Variants in HKDC1 observed in about 807,000 individuals in gnomAD.
HKDC1 encodes hexokinase domain containing 1, also known as hexokinase HKDC1.
HKDC1 carries 66 observed loss-of-function variants against 96.6 expected under a neutral mutation model. That is an observed-to-expected ratio of 0.68 (90% CI 0.56 to 0.84). The LOEUF is 0.84. HKDC1 is among the 40% of genes least tolerant of loss of function. The pLI is 0.00. For missense variants in HKDC1, 1,211 were observed against 1,208.1 expected, an observed-to-expected ratio of 1.00 and a Z score of -0.04; for synonymous variants, 466 against 473.1, an observed-to-expected ratio of 0.98 and a Z score of 0.20.
intron 7 of HKDC1, among the ~76,000 whole-genome samples, chr10:69,244,943 C>A (rs1350778126): frequency 1.3e-5 from 2 of 151,994 alleles, no homozygotes; most frequent in Non-Finnish European, 2.9e-5. Flanking sequence ...ACTCTGTCGC[C>A]AAGGCTGGAG....
chr10:69,239,171 C>T, intron 5 of HKDC1, 34 bp downstream of exon 5: 1 of 1,537,926 alleles, frequency 6.5e-7, no homozygotes, highest in African/African-American at 1.4e-5. Context: ...GAGGCTCTCC[C>T]AGCCCTAGCT....
intron 1 of HKDC1, among the ~76,000 whole-genome samples, chr10:69,221,739 C>G (rs1056417649): frequency 6.6e-6 from 1 of 152,002 alleles, no homozygotes; most frequent in Admixed American, 6.6e-5. Flanking sequence ...TTGAGACCAG[C>G]CTGGGCAACA....
Position 69,259,025 on chromosome 10 carries a change from G to T in HKDC1, c.2216+66G>T, listed in dbSNP as rs140315753. The T allele has an allele frequency of 2.7e-4, 340 of 1,279,632 alleles. 1 individual carries two copies. The African/African-American group carries it at 5.0e-3, about 19-fold the overall frequency. 79.3% of individuals were successfully genotyped at this position (1,279,632 alleles called of 1,614,324 possible). On this transcript the variant is annotated intron_variant, in intron 15 of 17. Coordinates refer to ENST00000354624, the MANE Select transcript of HKDC1 (RefSeq NM_025130.4). ...TGAACAACACTACCAGACCTAAGGG[G>T]GTACCATAGACAGCATAGCTTTGTG...
intron 4 of HKDC1, among the ~76,000 whole-genome samples, chr10:69,236,382 G>A (rs980022250): frequency 6.6e-6 from 1 of 151,652 alleles, no homozygotes; most frequent in Admixed American, 6.6e-5. Flanking sequence ...TGCTGGGATT[G>A]CAGGCGTGGT....
chr10:69,253,277 A>G (rs776955892), intron 12 of HKDC1, among the ~76,000 whole-genome samples: 2 of 152,036 alleles, frequency 1.3e-5, no homozygotes, highest in Non-Finnish European at 2.9e-5. Flanking sequence ...GGGCCTTTGC[A>G]TGAGGCTGGG....
intron 4 of HKDC1, among the ~76,000 whole-genome samples, chr10:69,235,332 G>C (rs777762841): frequency 2.6e-5 from 4 of 151,298 alleles, no homozygotes; most frequent in Non-Finnish European, 5.9e-5. Flanking sequence ...TGAGGCAGGA[G>C]AATCACTTGA....
intron 13 of HKDC1, 76 bp downstream of exon 13, chr10:69,257,207 A>C (rs768454925): frequency 4.6e-5 from 67 of 1,468,058 alleles, no homozygotes; most frequent in Non-Finnish European, 4.9e-5. Flanking sequence ...TCCTCTGCCC[A>C]GTTCCTATGA....
chr10:69,223,911 A>C (rs1225160198), intron 1 of HKDC1, among the ~76,000 whole-genome samples: 1 of 150,554 alleles, frequency 6.6e-6, no homozygotes, highest in Non-Finnish European at 1.5e-5. Flanking sequence ...AAACATTTTT[A>C]ATAATTAAAA....
intron 6 of HKDC1, among the ~76,000 whole-genome samples, chr10:69,242,176 C>G (rs1048622974): frequency 9.2e-5 from 14 of 152,276 alleles, no homozygotes; most frequent in Admixed American, 2.6e-4. Flanking sequence ...GTTTTTAAAC[C>G]TGAGGGGCTC....
chr10:69,249,969 T>TAA (rs1270440899), intron 10 of HKDC1, among the ~76,000 whole-genome samples: 1 of 152,172 alleles, frequency 6.6e-6, no homozygotes, highest in Admixed American at 6.5e-5. Flanking sequence ...TTGCTCAAGA[T>TAA]AAAAAGCCAT....
chr10:69,236,760 A>G (rs1407079949), intron 4 of HKDC1, among the ~76,000 whole-genome samples: 1 of 147,910 alleles, frequency 6.8e-6, no homozygotes, highest in African/African-American at 2.6e-5. Flanking sequence ...AGCCTGGGCA[A>G]CAAGAGTGAA....
At chr10:69,250,947 T>C (rs945942084) in intron 12 of HKDC1, among the ~76,000 whole-genome samples, 8 of 152,186 alleles carry the variant, frequency 5.3e-5, no homozygotes, top group Non-Finnish European at 1.2e-4. Flanking sequence ...AAAGAGGTAA[T>C]GTCCAGTGAA....
At chr10:69,257,184 C>T (rs2132373008) in intron 13 of HKDC1, 53 bp downstream of exon 13, 3 of 1,530,580 alleles carry the variant, frequency 2.0e-6, no homozygotes, top group South Asian at 1.1e-5. Context: ...CCCCAGGCCC[C>T]TCTGCTCTGC....
At chr10:69,254,661 C>T (rs368056365) in intron 12 of HKDC1, among the ~76,000 whole-genome samples, 7 of 152,142 alleles carry the variant, frequency 4.6e-5, no homozygotes, top group East Asian at 1.9e-4. Context: ...GTTTTATTTT[C>T]GTGCAATTAT....
In HKDC1 at chr10:69,266,851, C is replaced by A; in HGVS notation, c.*94C>A. On this transcript the variant is annotated 3_prime_UTR_variant, in exon 18 of 18. Transcript: ENST00000354624. ...CAGAGACCAATGGGCACCCTCCTGG[C>A]TGACCTCACCTTCTGGATGGCCGAA... 7.8e-7 allele frequency: 1 copy of A among 1,282,462 alleles called. No homozygotes were observed. The highest frequency in any genetic ancestry group is 1.1e-6 in the Non-Finnish European group (1 of 930,082). 79.4% of individuals were successfully genotyped at this position (1,282,462 alleles called of 1,614,324 possible). A position where few individuals can be genotyped will look rare whatever the true frequency, so the allele number is the denominator to read the frequency against.
chr10:69,231,979 G>A (rs1031344393), intron 2 of HKDC1, among the ~76,000 whole-genome samples: 2 of 152,152 alleles, frequency 1.3e-5, no homozygotes, highest in African/African-American at 2.4e-5. Context: ...ACAAAAAATC[G>A]AGCTGGCTGC....
intron 12 of HKDC1, among the ~76,000 whole-genome samples, chr10:69,253,324 T>C (rs956389607): frequency 3.3e-4 from 50 of 152,196 alleles, no homozygotes; most frequent in African/African-American, 1.1e-3. Flanking sequence ...GGGAGACAGT[T>C]TGCAGCCTCT....
chr10:69,253,028 AAAC>A (rs141560370), intron 12 of HKDC1, among the ~76,000 whole-genome samples: 4,345 of 150,928 alleles, frequency 0.029, 97 homozygotes, highest in Middle Eastern at 0.054. Flanking sequence ...CTGTGTGTAA[AAAC>A]AAAAAATCAC....
intron 1 of HKDC1, among the ~76,000 whole-genome samples, chr10:69,224,978 A>G (rs1261766748): frequency 6.6e-6 from 1 of 152,192 alleles, no homozygotes; most frequent in African/African-American, 2.4e-5. Context: ...TTGTCCCAAC[A>G]TATGTTTCAC....
Sources: gnomAD v4.1 joint callset for allele counts (sites outside exome capture counted in the v4.1 genomes callset) on GRCh38, gnomAD v4.1.1 for gene constraint, MANE v1.5 for transcripts, NCBI Gene and HGNC (gene_info 2026-07-23, HGNC 2026-07-21) for gene names.